The following MAN2A1 variants were observed in gnomAD, a reference collection of about 807,000 sequenced individuals.
MAN2A1 encodes the protein alpha-mannosidase 2.
MAN2A1 carries 76 observed loss-of-function variants against 142.6 expected under a neutral mutation model. The ratio of observed to expected loss-of-function variants is 0.53; its 90% CI spans 0.44 to 0.65. MAN2A1 has a LOEUF of 0.65. Among genes scored for constraint, MAN2A1 ranks in the 30% least tolerant of loss-of-function variants. The pLI is 0.00. For missense variants in MAN2A1, 1,311 were observed against 1,365.1 expected (o/e 0.96, Z 0.62); for synonymous variants, 559 against 473.2 (o/e 1.18, Z -2.35).
intron 12 of MAN2A1, among the ~76,000 whole-genome samples, chr5:109,800,993 A>G (rs1754013314): frequency 6.6e-6 from 1 of 152,140 alleles, no homozygotes; most frequent in Non-Finnish European, 1.5e-5. Context: ...TTAAAGGTGA[A>G]GTTTTTTGTA....
At position 109,855,224 on chromosome 5, in the gene MAN2A1, G is replaced by A. The variant is rs1389562206; in HGVS notation, c.3061G>A (p.Ala1021Thr). 6.2e-6 allele frequency: 10 copies of A among 1,601,876 alleles called. No homozygotes were observed. Among genetic ancestry groups the A allele is most frequent in the African/African-American group, 1.3e-5 (1 of 74,422 alleles). ...SLMNHPVIPM[A>T]NKFSSPTLEL... ...CATGAATCATCCAGTCATTCCAATGGCAAATAAGTTCTCCTCACCTACCCT... is the reference window on the plus strand; with the variant it reads ...CATGAATCATCCAGTCATTCCAATGACAAATAAGTTCTCCTCACCTACCCT... Residue 1021 changes from alanine (A) to threonine (T), a missense_variant, in exon 20 of 22, where the codon GCA becomes ACA. Coordinates refer to ENST00000261483, the MANE Select transcript of MAN2A1 (RefSeq NM_002372.4).
intron 1 of MAN2A1, among the ~76,000 whole-genome samples, chr5:109,705,820 C>T (rs1751114208): frequency 6.6e-6 from 1 of 152,142 alleles, no homozygotes; most frequent in African/African-American, 2.4e-5. Context: ...GAGTGCATTC[C>T]TTGGCTCAAG....
At chr5:109,811,699 A>G (rs545306834) in intron 12 of MAN2A1, among the ~76,000 whole-genome samples, 1 of 151,832 alleles carries the variant, frequency 6.6e-6, no homozygotes, top group Non-Finnish European at 1.5e-5. Flanking sequence ...TATTGAACTT[A>G]CCAGTTTGTT....
intron 1 of MAN2A1, among the ~76,000 whole-genome samples, chr5:109,706,182 A>G (rs545907373): frequency 3.7e-4 from 56 of 152,328 alleles, no homozygotes. Flanking sequence ...ACAGATGAGG[A>G]AACTGCAGCA....
chr5:109,741,300 A>T lies in MAN2A1; in HGVS notation c.707+11787A>T, dbSNP rs186162573. The stretch of plus-strand genomic sequence containing the variant: ...AATAATTCACTTTTATTCACTTATT[A>T]CATTTGTTTTTAGAACTAGGGTAAT... On this transcript the variant is annotated intron_variant, in intron 4 of 21. Transcript: ENST00000261483. Among the ~76,000 whole-genome samples the T allele has an allele frequency of 5.4e-4, 83 of 152,306 alleles. 1 individual carries two copies. Among genetic ancestry groups the T allele is most frequent in the Admixed American group, 5.4e-3 (82 of 15,294 alleles).
intron 3 of MAN2A1, among the ~76,000 whole-genome samples, chr5:109,727,517 C>T (rs1240049501): frequency 6.6e-6 from 1 of 152,080 alleles, no homozygotes; most frequent in Non-Finnish European, 1.5e-5. Context: ...ACAGATCTGT[C>T]CATAACAAGG....
intron 12 of MAN2A1, among the ~76,000 whole-genome samples, chr5:109,802,436 C>T (rs568515282): frequency 2.1e-4 from 32 of 152,144 alleles, no homozygotes; most frequent in Non-Finnish European, 4.3e-4. Flanking sequence ...TTTTTCAGAG[C>T]TTTTTGGATT....
At chr5:109,758,797 A>AT (rs977852350) in intron 5 of MAN2A1, among the ~76,000 whole-genome samples, 35 of 150,728 alleles carry the variant, frequency 2.3e-4, no homozygotes, top group Middle Eastern at 3.2e-3. Flanking sequence ...TTTCATATTT[A>AT]TTTTTTTTGC....
intron 6 of MAN2A1, among the ~76,000 whole-genome samples, chr5:109,769,768 T>A (rs180939016): frequency 6.6e-6 from 1 of 152,340 alleles, no homozygotes; most frequent in Non-Finnish European, 1.5e-5. Context: ...ATTGACTGAC[T>A]CATTCTTGGT....
intron 10 of MAN2A1, among the ~76,000 whole-genome samples, chr5:109,786,548 A>G (rs1316276139): frequency 6.6e-6 from 1 of 151,946 alleles, no homozygotes; most frequent in Admixed American, 6.6e-5. Flanking sequence ...CGTGTTAGAG[A>G]AAAAAAGGTA....
rs1754572447 is a variant in MAN2A1, at chr5:109,819,761, C to T, written c.2202C>T (p.Val734=). 1 of 1,610,298 alleles carries T rather than the reference C, an allele frequency of 6.2e-7. No individual in the cohort carries two copies. Residue 734 remains valine, a synonymous_variant, in exon 14 of 22, where the codon GTC becomes GTT. Coordinates refer to ENST00000261483, the MANE Select transcript of MAN2A1 (RefSeq NM_002372.4). ...ASSNSHLADY[V]LYKNKVEDSG... is the part of the protein sequence containing the mutation. The stretch of plus-strand genomic sequence containing the variant: ...CAAATTCACATTTAGCTGATTATGT[C>T]TTGTATAAGAATAAAGTAGAAGATA...
In MAN2A1 at chr5:109,741,298, T is replaced by C. The variant is rs116197517; in HGVS notation, c.707+11785T>C. 6.7e-3 allele frequency among the ~76,000 whole-genome samples: 1,023 copies of C among 152,346 alleles called. 9 individuals are homozygous for C. Among genetic ancestry groups the C allele is most frequent in the Non-Finnish European group, 0.011 (757 of 68,038 alleles). On this transcript the variant is annotated intron_variant, in intron 4 of 21. Transcript: ENST00000261483. Reference sequence around the variant, plus strand: ...GTAATAATTCACTTTTATTCACTTATTACATTTGTTTTTAGAACTAGGGTA... The same window carrying C: ...GTAATAATTCACTTTTATTCACTTACTACATTTGTTTTTAGAACTAGGGTA...
chr5:109,831,949 C>G (rs1455278459), intron 16 of MAN2A1, among the ~76,000 whole-genome samples: 2 of 151,174 alleles, frequency 1.3e-5, no homozygotes, highest in Non-Finnish European at 3.0e-5. Context: ...AAATATGTTC[C>G]TATTTTAATA....
intron 5 of MAN2A1, among the ~76,000 whole-genome samples, chr5:109,759,126 A>T (rs867915465): frequency 5.3e-5 from 8 of 152,116 alleles, no homozygotes; most frequent in African/African-American, 1.4e-4. Flanking sequence ...TAGTGGTTGT[A>T]TTAAATCTGT....
chr5:109,773,725 A>G (rs1753211251), intron 7 of MAN2A1, among the ~76,000 whole-genome samples: 1 of 152,208 alleles, frequency 6.6e-6, no homozygotes, highest in Non-Finnish European at 1.5e-5. Context: ...AAAAAGGACC[A>G]TATGAGATTT....
At chr5:109,803,383 A>C (rs927460370) in intron 12 of MAN2A1, among the ~76,000 whole-genome samples, 1 of 152,030 alleles carries the variant, frequency 6.6e-6, no homozygotes, top group Non-Finnish European at 1.5e-5. Flanking sequence ...AACTAATTGC[A>C]TGGTTCTAGT....
At chr5:109,808,832 T>TA (rs1351388619) in intron 12 of MAN2A1, among the ~76,000 whole-genome samples, 1 of 151,732 alleles carries the variant, frequency 6.6e-6, no homozygotes, top group Non-Finnish European at 1.5e-5. Flanking sequence ...GCCTCCTGAG[T>TA]AGCTGGGACT....
At chr5:109,782,863 C>A (rs978364589) in intron 9 of MAN2A1, among the ~76,000 whole-genome samples, 1 of 151,688 alleles carries the variant, frequency 6.6e-6, no homozygotes, top group South Asian at 2.1e-4. Flanking sequence ...ATAATCAAAT[C>A]GTAATTTGTA....
chr5:109,865,065 C>T lies in MAN2A1; in HGVS notation c.3201C>T (p.Ala1067=). 6.2e-7 allele frequency: 1 copy of T among 1,614,030 alleles called. No homozygotes were observed. Among genetic ancestry groups the T allele is most frequent in the Non-Finnish European group, 8.5e-7 (1 of 1,179,930 alleles). ...KVGNGHSNEA[A]LILHRKGFDC... ...GCAATGGGCACTCCAATGAGGCAGC[C>T]TTGATCCTCCACAGAAAAGGGTTTG... The change falls in exon 21 of 22, where the codon GCC becomes GCT. Residue 1067 remains alanine, a synonymous_variant. Coordinates refer to ENST00000261483, the MANE Select transcript of MAN2A1 (RefSeq NM_002372.4).
Sources: gnomAD v4.1 joint callset for allele counts (sites outside exome capture counted in the v4.1 genomes callset) on GRCh38, gnomAD v4.1.1 for gene constraint, MANE v1.5 for transcripts, NCBI Gene and HGNC (gene_info 2026-07-23, HGNC 2026-07-21) for gene names.